Variants in WDR77 observed in about 807,000 individuals in gnomAD.
WDR77 encodes the protein WD repeat domain 77, also known as methylosome protein WDR77.
WDR77 carries 31 observed loss-of-function variants against 44.0 expected under a neutral mutation model. That is an observed-to-expected ratio of 0.70 (90% CI 0.53 to 0.95). The LOEUF is 0.95. Among genes scored for constraint, WDR77 ranks in the 40% least tolerant of loss-of-function variants. WDR77 has a pLI of 0.00. For missense variants in WDR77, 390 were observed against 423.9 expected, an observed-to-expected ratio of 0.92 and a Z score of 0.70; for synonymous variants, 186 against 165.7, an observed-to-expected ratio of 1.12 and a Z score of -0.94.
intron 8 of WDR77, 41 bp downstream of exon 8, chr1:111,442,612 C>CCAG: frequency 7.2e-7 from 1 of 1,395,504 alleles, no homozygotes; most frequent in Non-Finnish European, 9.7e-7. Context: ...CTCACGGTTC[C>CCAG]CATTTATACC....
At chr1:111,443,615 G>A (rs936731313) in intron 6 of WDR77, 12 of 976,842 alleles carry the variant, frequency 1.2e-5, no homozygotes, top group Admixed American at 6.2e-5. Context: ...GAATCATGAC[G>A]ATAACAATTC....
At chr1:111,442,210 CT>C in intron 8 of WDR77, 117 bp from the exon 9 acceptor site, 2 of 952,404 alleles carry the variant, frequency 2.1e-6, no homozygotes, top group South Asian at 2.9e-5. Context: ...CTGATTCCCA[CT>C]TTTGGCTAAT....
At chr1:111,447,286 G>T in intron 3 of WDR77, 142 bp from the exon 4 acceptor site, 1 of 1,468,292 alleles carries the variant, frequency 6.8e-7, no homozygotes, top group Non-Finnish European at 9.3e-7. Context: ...ACGATGGACT[G>T]CAAAATCCCT....
intron 7 of WDR77, 45 bp from the exon 8 acceptor site, chr1:111,442,806 T>A: frequency 1.5e-6 from 2 of 1,369,772 alleles, no homozygotes; most frequent in Non-Finnish European, 2.0e-6. Flanking sequence ...GAGCATGGAC[T>A]TTTGTGCCAA....
chr1:111,442,058 G>A lies in WDR77; in HGVS notation c.836C>T (p.Ser279Leu). 1 of 1,614,098 alleles carries A rather than the reference G, an allele frequency of 6.2e-7. No homozygotes were observed. Among genetic ancestry groups the A allele is most frequent in the South Asian group, 1.1e-5 (1 of 91,068 alleles). The change falls in exon 9 of 10, where the codon TCA (serine) becomes TTA (leucine). Residue 279 changes from serine (S) to leucine (L), a missense_variant. Physicochemically the swap from Ser to Leu is moderately radical, Grantham distance 145. Transcript: ENST00000235090. ...AAGGCTTGAGTCCAGCACAGCAAGT[G>A]AGCAGTCTTCACTGAGAGAGGCCAG... ...PFLASLSEDC[S>L]LAVLDSSLSE... is the part of the protein sequence containing the mutation.
chr1:111,449,138 G>A lies in WDR77; in HGVS notation c.32C>T (p.Pro11Leu), dbSNP rs778007058. The change falls in exon 1 of 10, where the codon CCC (proline) becomes CTC (leucine). Residue 11 changes from proline to leucine, a missense_variant. Physicochemically the swap from Pro to Leu is moderately conservative, Grantham distance 98. Transcript: ENST00000235090. ...AAGATTCCACTCCCGGGCCGCCGGG[G>A]GCACTAGGGGGGGTGGGGTTTCCTT... MRKETPPPLV[P>L]PAAREWNLPP... 6.3e-7 allele frequency: 1 copy of A among 1,596,222 alleles called. No individual in the cohort carries two copies. Among genetic ancestry groups the A allele is most frequent in the East Asian group, 2.2e-5 (1 of 44,604 alleles).
chr1:111,444,710 A>G (rs1282733455), intron 4 of WDR77, among the ~76,000 whole-genome samples: 1 of 152,240 alleles, frequency 6.6e-6, no homozygotes, highest in Non-Finnish European at 1.5e-5. Context: ...CATAAGAACC[A>G]AAGAGCAAAA....
chr1:111,448,864 C>G, intron 1 of WDR77, 60 bp from the exon 2 acceptor site: 1 of 1,549,306 alleles, frequency 6.5e-7, no homozygotes, highest in South Asian at 1.2e-5. Flanking sequence ...CCATGGAGAC[C>G]GCACAGAACA....
Position 111,449,066 on chromosome 1 carries a change from C to A in WDR77, c.104G>T (p.Arg35Leu). The change falls in exon 1 of 10, where the codon CGG (arginine) becomes CTG (leucine). Residue 35 changes from arginine to leucine, a missense_variant. Coordinates refer to ENST00000235090, the MANE Select transcript of WDR77 (RefSeq NM_024102.4). ...GGATCTCGGCTCACCGGACCGGTAC[C>A]GCGCAGCCTCCAACTGCCGTTCCAT... ...ACMERQLEAA[R>L]YRSDGALLLG... 6.3e-7 allele frequency: 1 copy of A among 1,593,488 alleles called. No individual in the cohort carries two copies. The highest frequency in any genetic ancestry group is 2.3e-5 in the East Asian group (1 of 43,986).
At chr1:111,444,215 A>G in intron 4 of WDR77, 91 bp from the exon 5 acceptor site, 1 of 1,303,948 alleles carries the variant, frequency 7.7e-7, no homozygotes, top group South Asian at 1.2e-5. Flanking sequence ...GGCAGGAGGG[A>G]GGGAGGGCTG....
chr1:111,446,934 G>C (rs1185608977), intron 4 of WDR77, 161 bp downstream of exon 4: 3 of 704,572 alleles, frequency 4.3e-6, no homozygotes, highest in Non-Finnish European at 7.2e-6. Flanking sequence ...AAAGAAACAA[G>C]GAAATTGAGA....
chr1:111,442,869 A>C, intron 7 of WDR77, 108 bp from the exon 8 acceptor site: 1 of 714,768 alleles, frequency 1.4e-6, no homozygotes, highest in Non-Finnish European at 2.1e-6. Flanking sequence ...TCTGAGCATC[A>C]GTTTTCTCTT....
chr1:111,442,125 C>T (rs1270677209), intron 8 of WDR77, 32 bp from the exon 9 acceptor site: 8 of 1,605,184 alleles, frequency 5.0e-6, no homozygotes, highest in Non-Finnish European at 6.8e-6. Flanking sequence ...TGTGAAAGGT[C>T]CAGCCTGGAT....
chr1:111,448,461 C>A (rs918310176), intron 2 of WDR77, among the ~76,000 whole-genome samples, 158 bp downstream of exon 2: 2 of 152,126 alleles, frequency 1.3e-5, no homozygotes, highest in Admixed American at 1.3e-4. Flanking sequence ...AAGGTATTTC[C>A]CACCTACACA....
chr1:111,441,705 T>C lies in WDR77; in HGVS notation c.870-316A>G, dbSNP rs115046892. The C allele has an allele frequency of 2.0e-4, 154 of 766,688 alleles. No homozygotes were observed. In the African/African-American group the frequency reaches 2.6e-3, roughly 13 times the overall value. 47.5% of individuals were successfully genotyped at this position (766,688 alleles called of 1,614,324 possible). A position where few individuals can be genotyped will look rare whatever the true frequency, so the allele number is the denominator to read the frequency against. On this transcript the variant is annotated intron_variant, in intron 9 of 9. Transcript: ENST00000235090. ...CTTCCAGGTGCTGCCTTTTACCCTG[T>C]AGCAGGCTGCATTTCATACGCAGTT...
chr1:111,445,768 A>T (rs572771617), intron 4 of WDR77, among the ~76,000 whole-genome samples: 57 of 152,148 alleles, frequency 3.7e-4, no homozygotes, highest in Non-Finnish European at 6.5e-4. Flanking sequence ...GACATAGAAC[A>T]TTGACTTTTT....
chr1:111,449,128 G>C lies in WDR77; in HGVS notation c.42C>G (p.Ala14=), dbSNP rs755337873. The change falls in exon 1 of 10, where the codon GCC becomes GCG. Residue 14 remains alanine (A), a synonymous_variant. Coordinates refer to ENST00000235090, the MANE Select transcript of WDR77 (RefSeq NM_024102.4). ...CATTTGGGGGAAGATTCCACTCCCG[G>C]GCCGCCGGGGGCACTAGGGGGGGTG... The part of the protein sequence containing the change: ...ETPPPLVPPA[A]REWNLPPNAP... The C allele has an allele frequency of 1.9e-6, 3 of 1,600,608 alleles. No individual in the cohort carries two copies. The East Asian group carries it at 6.7e-5, about 36-fold the overall frequency.
At chr1:111,446,122 G>C (rs895770818) in intron 4 of WDR77, among the ~76,000 whole-genome samples, 3 of 152,212 alleles carry the variant, frequency 2.0e-5, no homozygotes, top group African/African-American at 4.8e-5. Flanking sequence ...TGAGGGTCCA[G>C]GATACTGGAC....
At chr1:111,446,957 G>C in intron 4 of WDR77, 138 bp downstream of exon 4, 1 of 823,696 alleles carries the variant, frequency 1.2e-6, no homozygotes, top group Non-Finnish European at 2.0e-6. Flanking sequence ...AGGACAAGGA[G>C]TAGATACCGG....
Sources: gnomAD v4.1 joint callset for allele counts (sites outside exome capture counted in the v4.1 genomes callset) on GRCh38, gnomAD v4.1.1 for gene constraint, MANE v1.5 for transcripts, NCBI Gene and HGNC (gene_info 2026-07-23, HGNC 2026-07-21) for gene names.